The following BBOF1 variants were observed in gnomAD, a reference collection of about 807,000 sequenced individuals.
BBOF1 encodes basal body-orientation factor 1.
In BBOF1, 62 loss-of-function variants were observed where a neutral mutation model predicts 68.0. That is an observed-to-expected ratio of 0.91 (90% CI 0.74 to 1.13). BBOF1 has a LOEUF of 1.13. Ranked by LOEUF, BBOF1 falls within the 50% of genes most tolerant of loss-of-function variation. BBOF1 has a pLI of 0.00. For synonymous variants in BBOF1, 208 were observed against 198.8 expected (o/e 1.05, Z -0.39); for missense variants, 534 against 600.1 (o/e 0.89, Z 1.15).
downstream of BBOF1, chr14:74,068,876 C>G (rs749727831): frequency 4.3e-6 from 7 of 1,613,898 alleles, no homozygotes; most frequent in Non-Finnish European, 5.9e-6. Flanking sequence ...GGCTTGAACC[C>G]TCTTGCCATG....
At chr14:74,048,161 A>G (rs2059992118) in intron 7 of BBOF1, 87 bp downstream of exon 7, 1 of 1,294,866 alleles carries the variant, frequency 7.7e-7, no homozygotes, top group Admixed American at 2.4e-5. Context: ...TAATAATGAT[A>G]TATAAGGACA....
chr14:74,047,887 C>T, intron 6 of BBOF1, 43 bp from the exon 7 acceptor site: 1 of 1,536,502 alleles, frequency 6.5e-7, no homozygotes, highest in Non-Finnish European at 8.8e-7. Flanking sequence ...TTGGCGATAT[C>T]TAAAAGTTAG....
chr14:74,070,298 C>T (rs1275277817), downstream of BBOF1, among the ~76,000 whole-genome samples: 1 of 152,054 alleles, frequency 6.6e-6, no homozygotes, highest in Non-Finnish European at 1.5e-5. Context: ...GCGGGTGGAT[C>T]ACCTGAGGTC....
chr14:74,056,012 T>G (rs1341619065), intron 9 of BBOF1, among the ~76,000 whole-genome samples: 2 of 151,454 alleles, frequency 1.3e-5, no homozygotes, highest in Non-Finnish European at 2.9e-5. Context: ...TATTAAGATT[T>G]TATTGGTTTG....
At chr14:74,078,245 CCTA>C in exon 10 of BBOF1, 1 of 456,030 alleles carries the variant, frequency 2.2e-6, no homozygotes, top group South Asian at 1.5e-5. Flanking sequence ...TACTAGCAAA[CCTA>C]CAAAACTGAA....
chr14:74,073,024 T>C (rs945274999), intron 9 of BBOF1, among the ~76,000 whole-genome samples: 2 of 152,226 alleles, frequency 1.3e-5, no homozygotes, highest in African/African-American at 2.4e-5. Flanking sequence ...GATCTCGAAC[T>C]CCTGACCTCA....
chr14:74,062,399 C>T (rs1056426348), intron 11 of BBOF1, among the ~76,000 whole-genome samples: 1 of 151,924 alleles, frequency 6.6e-6, no homozygotes, highest in African/African-American at 2.4e-5. Context: ...GTAAGGAGGT[C>T]GAGACCAGCC....
chr14:74,071,171 A>C (rs943406116), intron 9 of BBOF1: 2 of 1,599,586 alleles, frequency 1.3e-6, no homozygotes, highest in African/African-American at 2.7e-5. Context: ...CAGATTAAGT[A>C]GCCATATGCA....
At chr14:74,064,618 T>C in intron 11 of BBOF1, 70 bp from the exon 12 acceptor site, 1 of 1,485,006 alleles carries the variant, frequency 6.7e-7, no homozygotes, top group Non-Finnish European at 9.4e-7. Context: ...TCCTCAAAAC[T>C]TTGTTGCTTT....
chr14:74,082,128 G>A (rs901213871), intron 12 of BBOF1, among the ~76,000 whole-genome samples: 2 of 152,118 alleles, frequency 1.3e-5, no homozygotes, highest in Non-Finnish European at 1.5e-5. Context: ...TCACTTCAGC[G>A]TGGGAGGTCG....
intron 5 of BBOF1, among the ~76,000 whole-genome samples, chr14:74,044,069 A>C (rs2059895337): frequency 6.6e-6 from 1 of 151,530 alleles, no homozygotes; most frequent in African/African-American, 2.4e-5. Context: ...AACATAGTGA[A>C]ACCCTGTCTG....
chr14:74,023,185 C>A, intron 2 of BBOF1, 41 bp downstream of exon 2: 1 of 1,112,462 alleles, frequency 9.0e-7, no homozygotes, highest in Non-Finnish European at 1.3e-6. Flanking sequence ...TTAACTACCT[C>A]TATGGTGATG....
downstream of BBOF1, among the ~76,000 whole-genome samples, chr14:74,069,548 C>T (rs1244706461): frequency 2.6e-5 from 4 of 151,524 alleles, no homozygotes; most frequent in Non-Finnish European, 5.9e-5. Context: ...GTCAGGAGTT[C>T]GAGACCTTCC....
intron 9 of BBOF1, chr14:74,072,461 C>A: frequency 6.2e-7 from 1 of 1,612,964 alleles, no homozygotes; most frequent in Admixed American, 1.7e-5. Flanking sequence ...ACAACAGACA[C>A]CCAGGTCCCT....
In BBOF1 at chr14:74,019,539, G is replaced by A; in HGVS notation, c.56+5G>A. 1.3e-6 allele frequency: 2 copies of A among 1,594,042 alleles called. No homozygotes were observed. The highest frequency in any genetic ancestry group is 1.7e-6 in the Non-Finnish European group (2 of 1,170,458). ...GAGCAAAGGCAAAGACACGAAGTAA[G>A]GAGAAGCCACCCGAGAGTCCCCTCT... On this transcript the variant is annotated splice_donor_5th_base_variant and intron_variant, in intron 1 of 11. Transcript: ENST00000394009.
rs770883472 is a variant in BBOF1 at position 74,050,220 on chromosome 14, C to CT, written c.1286+30dup. 5.7e-5 allele frequency: 86 copies of CT among 1,507,572 alleles called. 1 individual carries two copies. Among genetic ancestry groups the CT allele is most frequent in the South Asian group, 5.1e-4 (36 of 71,222 alleles). 93.4% of individuals were successfully genotyped at this position (1,507,572 alleles called of 1,614,324 possible). ...GGTACTAGCAATACTTTATTATTATCTTTTTGCTGCTATTTTTGTGTCCTT... is the reference window on the plus strand; with the variant it reads ...GGTACTAGCAATACTTTATTATTATCTTTTTTGCTGCTATTTTTGTGTCCTT... On this transcript the variant is annotated intron_variant, in intron 8 of 11. Transcript: ENST00000394009.
chr14:74,028,579 T>C (rs915440732), intron 2 of BBOF1, among the ~76,000 whole-genome samples: 1 of 151,582 alleles, frequency 6.6e-6, no homozygotes. Context: ...TTTTTTGTAC[T>C]CTTCTTGAAA....
Position 74,035,584 on chromosome 14 carries a change from A to ATTTTTTTTTTTTTTTTTTT in BBOF1, c.495+1423_495+1441dup, listed in dbSNP as rs71460945. 2.2e-4 allele frequency among the ~76,000 whole-genome samples: 18 copies of ATTTTTTTTTTTTTTTTTTT among 81,390 alleles called. 1 individual carries two copies. Among genetic ancestry groups the ATTTTTTTTTTTTTTTTTTT allele is most frequent in the African/African-American group, 1.0e-3 (16 of 15,656 alleles). The allele number at this position is 81,390 out of a possible 152,430, so 53.4% of individuals were successfully genotyped here. On this transcript the variant is annotated intron_variant, in intron 4 of 11. Transcript: ENST00000394009. ...AGGCGTGCACCACCACCCCCAGCTA[A>ATTTTTTTTTTTTTTTTTTT]TTTTTTTTTTTTTTTTTTTTTTTTT...
intron 9 of BBOF1, among the ~76,000 whole-genome samples, chr14:74,073,570 C>T (rs1465731107): frequency 6.6e-6 from 1 of 152,112 alleles, no homozygotes; most frequent in African/African-American, 2.4e-5. Context: ...GCTATTATGA[C>T]TTTTTGGCCC....
Sources: allele counts gnomAD v4.1 joint callset (sites outside exome capture counted in the v4.1 genomes callset), GRCh38; gene constraint gnomAD v4.1.1; transcripts MANE v1.5; gene names NCBI Gene and HGNC (gene_info 2026-07-23, HGNC 2026-07-21).